Variants in KCNK9 observed in about 807,000 individuals in gnomAD.
The protein encoded by KCNK9 is potassium channel subfamily K member 9.
Under a neutral mutation model 10.8 loss-of-function variants are expected in KCNK9, and 1 was observed. That is an observed-to-expected ratio of 0.09 (90% CI 0.03 to 0.44). The LOEUF (loss-of-function observed/expected upper bound fraction) is 0.44, where lower values mean the gene tolerates loss of function less well. Among genes scored for constraint, KCNK9 ranks in the 20% least tolerant of loss-of-function variants. The pLI is 0.97. For synonymous variants in KCNK9, 231 were observed against 222.7 expected, an observed-to-expected ratio of 1.04 and a Z score of -0.33; for missense variants, 303 against 515.0, an observed-to-expected ratio of 0.59 and a Z score of 3.98.
At chr8:139,663,692 A>T (rs1586674439) in intron 1 of KCNK9, among the ~76,000 whole-genome samples, 5 of 121,734 alleles carry the variant, frequency 4.1e-5, no homozygotes, top group Non-Finnish European at 8.5e-5. Context: ...TTAGAGAGAG[A>T]GATAGAGAGA....
At chr8:139,653,387 A>G (rs1586666594) in intron 1 of KCNK9, among the ~76,000 whole-genome samples, 1 of 152,128 alleles carries the variant, frequency 6.6e-6, no homozygotes, top group African/African-American at 2.4e-5. Context: ...GAGGTCCCCT[A>G]CCTGGAGTGC....
intron 1 of KCNK9, among the ~76,000 whole-genome samples, chr8:139,686,424 A>G (rs898960386): frequency 6.6e-5 from 10 of 152,176 alleles, no homozygotes; most frequent in Admixed American, 2.0e-4. Context: ...CAAGAAAAAA[A>G]CAAACAAACC....
intron 1 of KCNK9, among the ~76,000 whole-genome samples, chr8:139,649,091 C>T (rs914184018): frequency 1.9e-4 from 29 of 152,314 alleles, no homozygotes; most frequent in African/African-American, 5.3e-4. Flanking sequence ...CCATCCCCGA[C>T]GCCGTGGCCT....
intron 1 of KCNK9, among the ~76,000 whole-genome samples, chr8:139,632,716 G>A (rs899784801): frequency 1.3e-5 from 2 of 152,132 alleles, no homozygotes; most frequent in African/African-American, 4.8e-5. Context: ...AGAACCTAAG[G>A]TGGGATGGTG....
chr8:139,653,434 G>A (rs1456378396), intron 1 of KCNK9, among the ~76,000 whole-genome samples: 2 of 151,996 alleles, frequency 1.3e-5, no homozygotes, highest in Non-Finnish European at 1.5e-5. Flanking sequence ...CCCTGCAAGT[G>A]AGCCTCTGCC....
chr8:139,607,652 G>T (rs927230539), downstream of KCNK9, among the ~76,000 whole-genome samples: 1 of 152,160 alleles, frequency 6.6e-6, no homozygotes, highest in Non-Finnish European at 1.5e-5. Context: ...TGTAGGGGCC[G>T]AGTCTCCAGT....
At chr8:139,659,636 C>T (rs756433880) in intron 1 of KCNK9, among the ~76,000 whole-genome samples, 17 of 152,004 alleles carry the variant, frequency 1.1e-4, no homozygotes, top group East Asian at 7.7e-4. Flanking sequence ...CTCAGCCACC[C>T]GAGTAGCTGG....
At chr8:139,625,212 G>A (rs1814931562) in intron 1 of KCNK9, among the ~76,000 whole-genome samples, 1 of 152,224 alleles carries the variant, frequency 6.6e-6, no homozygotes, top group Non-Finnish European at 1.5e-5. Context: ...GGACGTCTGG[G>A]CCCAAGGGAA....
intron 1 of KCNK9, among the ~76,000 whole-genome samples, chr8:139,622,204 G>A (rs1420972414): frequency 2.6e-5 from 4 of 152,206 alleles, no homozygotes; most frequent in African/African-American, 9.7e-5. Context: ...GAGATGAACA[G>A]CGCTGAGGTT....
At chr8:139,654,311 G>T (rs1035370159) in intron 1 of KCNK9, among the ~76,000 whole-genome samples, 4 of 152,212 alleles carry the variant, frequency 2.6e-5, no homozygotes, top group Non-Finnish European at 5.9e-5. Flanking sequence ...CCCTTCATCT[G>T]GGGATGGCTC....
chr8:139,680,268 G>A (rs890084576), intron 1 of KCNK9, among the ~76,000 whole-genome samples: 3 of 152,236 alleles, frequency 2.0e-5, no homozygotes, highest in Non-Finnish European at 4.4e-5. Context: ...GGCAGAGGGG[G>A]CAGGCGGGGC....
downstream of KCNK9, among the ~76,000 whole-genome samples, chr8:139,609,131 C>T (rs934391258): frequency 4.4e-5 from 5 of 112,950 alleles, no homozygotes; most frequent in Non-Finnish European, 9.5e-5. Context: ...GCTCCGGGAG[C>T]TTCAGGATAG....
intron 1 of KCNK9, among the ~76,000 whole-genome samples, chr8:139,622,099 T>A (rs1370765085): frequency 6.6e-6 from 1 of 152,208 alleles, no homozygotes; most frequent in East Asian, 1.9e-4. Flanking sequence ...TACTACAGCA[T>A]GAAAGAACTT....
intron 1 of KCNK9, among the ~76,000 whole-genome samples, chr8:139,638,926 T>C (rs1815416719): frequency 6.6e-6 from 1 of 152,120 alleles, no homozygotes; most frequent in East Asian, 1.9e-4. Context: ...CTTTCTCCCA[T>C]TCACCAGTCC....
intron 1 of KCNK9, among the ~76,000 whole-genome samples, chr8:139,667,047 C>G (rs1816318373): frequency 6.6e-6 from 1 of 152,220 alleles, no homozygotes; most frequent in Non-Finnish European, 1.5e-5. Flanking sequence ...TCACAGGGCT[C>G]CCACAGGGCT....
chr8:139,677,777 TCC>T (rs1475602874), intron 1 of KCNK9, among the ~76,000 whole-genome samples: 1 of 143,210 alleles, frequency 7.0e-6, no homozygotes, highest in Non-Finnish European at 1.5e-5. Context: ...TCCCAATGTG[TCC>T]CCATGGCTGC....
In KCNK9 at chr8:139,618,547, G is replaced by A. The variant is rs755968312; in HGVS notation, c.836C>T (p.Pro279Leu). 4.3e-6 allele frequency: 7 copies of A among 1,613,514 alleles called. No homozygotes were observed. Among genetic ancestry groups the A allele is most frequent in the Non-Finnish European group, 5.9e-6 (7 of 1,179,890 alleles). Residue 279 changes from proline to leucine, a missense_variant, in exon 2 of 2, where the codon CCG becomes CTG. By Grantham distance (98) the Pro-to-Leu change is moderately conservative. Coordinates refer to ENST00000520439, the MANE Select transcript of KCNK9 (RefSeq NM_001282534.2). The surrounding 1 kb of genome is among the most constrained non-coding windows in gnomAD (Gnocchi z 7.9). ...NSMVIHIPEE[P>L]RPSRPRYKAD... ...CTTGTACCTGGGCCGGCTGGGCCGCGGCTCCTCAGGGATGTGAATGACCAT... is the reference window on the plus strand; with the variant it reads ...CTTGTACCTGGGCCGGCTGGGCCGCAGCTCCTCAGGGATGTGAATGACCAT...
Position 139,683,299 on chromosome 8 carries a change from G to A in KCNK9, c.283+19411C>T, listed in dbSNP as rs900233804. Among the ~76,000 whole-genome samples, 5 of 152,218 alleles carry A rather than the reference G, an allele frequency of 3.3e-5. 1 individual carries two copies. Among genetic ancestry groups the A allele is most frequent in the South Asian group, 4.2e-4 (2 of 4,818 alleles). Reference sequence around the variant, plus strand: ...GAAGCAGCCAGAGAGAAGAGCACCCGCCCCACCCCTGCTGGCAGCTTCCTC... The same window carrying A: ...GAAGCAGCCAGAGAGAAGAGCACCCACCCCACCCCTGCTGGCAGCTTCCTC... On this transcript the variant is annotated intron_variant, in intron 1 of 1. Transcript: ENST00000520439.
At chr8:139,674,678 C>A (rs1309615737) in intron 1 of KCNK9, among the ~76,000 whole-genome samples, 4 of 152,206 alleles carry the variant, frequency 2.6e-5, no homozygotes, top group Non-Finnish European at 5.9e-5. Context: ...CGGTCTCTCC[C>A]CTCTTCCGTG....
Sources: allele counts gnomAD v4.1 joint callset (sites outside exome capture counted in the v4.1 genomes callset), GRCh38; gene constraint gnomAD v4.1.1; non-coding constraint Gnocchi (gnomAD v3.1); transcripts MANE v1.5; gene names NCBI Gene and HGNC (gene_info 2026-07-23, HGNC 2026-07-21).